Variants in SLC6A11 observed in about 807,000 individuals in gnomAD.
SLC6A11 encodes the protein solute carrier family 6 member 11.
In SLC6A11, 25 loss-of-function variants were observed where a neutral mutation model predicts 74.8. That is an observed-to-expected ratio of 0.33 (90% CI 0.24 to 0.47). The LOEUF is 0.47. Ranked by LOEUF, SLC6A11 falls within the 20% of genes least tolerant of loss-of-function variation. The pLI, the probability that SLC6A11 is intolerant of heterozygous loss-of-function variation, is 1.00. For missense variants in SLC6A11, 574 were observed against 837.0 expected (o/e 0.69, Z 3.88); for synonymous variants, 330 against 330.2 (o/e 1.00, Z 0.01).
intron 6 of SLC6A11, among the ~76,000 whole-genome samples, chr3:10,877,064 A>G (rs1694917453): frequency 6.6e-6 from 1 of 152,180 alleles, no homozygotes; most frequent in Non-Finnish European, 1.5e-5. Flanking sequence ...TTCCATGAGC[A>G]TAGGCTGGCA....
Position 10,863,767 on chromosome 3 carries a change from GT to G in SLC6A11, c.757-11191del, listed in dbSNP as rs1694731588. ...GGTGAAGGGTGACATGAAAGCAAAG[GT>G]TTGCAGGCAGGGAAGTGAAGGGTTT... On this transcript the variant is annotated intron_variant, in intron 5 of 13. Coordinates refer to ENST00000254488, the MANE Select transcript of SLC6A11 (RefSeq NM_014229.3). Among the ~76,000 whole-genome samples, 2 of 152,146 alleles carry G rather than the reference GT, an allele frequency of 1.3e-5. 1 individual carries two copies. The highest frequency in any genetic ancestry group is 2.9e-5 in the Non-Finnish European group (2 of 68,028).
At chr3:10,876,194 A>G (rs1167701307) in intron 6 of SLC6A11, among the ~76,000 whole-genome samples, 2 of 152,190 alleles carry the variant, frequency 1.3e-5, no homozygotes, top group Non-Finnish European at 2.9e-5. Context: ...CACGGTGGGC[A>G]GAGTGGGAAG....
At chr3:10,852,159 A>G (rs773996954) in intron 5 of SLC6A11, among the ~76,000 whole-genome samples, 1 of 152,256 alleles carries the variant, frequency 6.6e-6, no homozygotes, top group Non-Finnish European at 1.5e-5. Context: ...GTCTCAAGCA[A>G]GAGGAGAGCT....
intron 13 of SLC6A11, chr3:10,935,501 C>T (rs1695749011): frequency 3.1e-6 from 1 of 327,160 alleles, no homozygotes; most frequent in Non-Finnish European, 5.7e-6. Context: ...AGGAAAAGCC[C>T]TGGGACCCAG....
intron 6 of SLC6A11, among the ~76,000 whole-genome samples, chr3:10,879,921 GTACA>G (rs1694954278): frequency 1.3e-5 from 2 of 152,034 alleles, no homozygotes; most frequent in African/African-American, 4.8e-5. Context: ...TACTCAACCT[GTACA>G]TACATACATA....
chr3:10,860,517 A>G (rs1339427985), intron 5 of SLC6A11, among the ~76,000 whole-genome samples: 1 of 152,244 alleles, frequency 6.6e-6, no homozygotes, highest in Non-Finnish European at 1.5e-5. Context: ...GCTGAGAGGA[A>G]GAGGAAGCTG....
At chr3:10,916,537 G>A (rs751406855) in intron 7 of SLC6A11, among the ~76,000 whole-genome samples, 5 of 152,172 alleles carry the variant, frequency 3.3e-5, no homozygotes, top group Admixed American at 2.6e-4. Flanking sequence ...GGTCCAGGCC[G>A]AAGGGGTAGC....
intron 7 of SLC6A11, among the ~76,000 whole-genome samples, chr3:10,913,339 G>A (rs6442214): frequency 0.11 from 16,896 of 152,128 alleles, 1,429 homozygotes; most frequent in Admixed American, 0.29. Context: ...TAAATTTCTG[G>A]AAAGAAACAC....
intron 8 of SLC6A11, among the ~76,000 whole-genome samples, chr3:10,921,864 A>T (rs554414898): frequency 6.6e-6 from 1 of 152,216 alleles, no homozygotes; most frequent in Non-Finnish European, 1.5e-5. Context: ...AAGTCAAAAA[A>T]TATTAGCAGA....
At chr3:10,838,349 A>G (rs557954979) in intron 4 of SLC6A11, among the ~76,000 whole-genome samples, 1 of 152,318 alleles carries the variant, frequency 6.6e-6, no homozygotes, top group East Asian at 1.9e-4. Context: ...TCCTTCGACC[A>G]TCAGGCACAG....
intron 10 of SLC6A11, among the ~76,000 whole-genome samples, chr3:10,931,353 C>A (rs541015391): frequency 6.6e-6 from 1 of 152,092 alleles, no homozygotes; most frequent in African/African-American, 2.4e-5. Flanking sequence ...TTTCTTTGTT[C>A]CTTTGTAGAG....
intron 13 of SLC6A11, among the ~76,000 whole-genome samples, chr3:10,937,311 C>G (rs1034813943): frequency 2.0e-5 from 3 of 152,212 alleles, no homozygotes. Flanking sequence ...GGAACGCGTG[C>G]TCTAGCCCCA....
intron 6 of SLC6A11, among the ~76,000 whole-genome samples, chr3:10,892,917 C>T (rs1039921951): frequency 1.3e-5 from 2 of 152,138 alleles, no homozygotes; most frequent in Admixed American, 6.5e-5. Flanking sequence ...TCTAAGCAAG[C>T]GTATGATTAA....
intron 6 of SLC6A11, among the ~76,000 whole-genome samples, chr3:10,899,404 A>T (rs1008523053): frequency 2.0e-5 from 3 of 152,184 alleles, no homozygotes; most frequent in African/African-American, 7.2e-5. Context: ...TCTGTTTCAT[A>T]TGGAATTGAG....
At chr3:10,857,173 A>G (rs911986718) in intron 5 of SLC6A11, among the ~76,000 whole-genome samples, 5 of 152,160 alleles carry the variant, frequency 3.3e-5, no homozygotes, top group African/African-American at 1.2e-4. Flanking sequence ...TAAGGAGGTT[A>G]TAGTGGCCCG....
intron 9 of SLC6A11, among the ~76,000 whole-genome samples, chr3:10,927,217 G>T (rs748430084): frequency 6.6e-6 from 1 of 152,274 alleles, no homozygotes; most frequent in South Asian, 2.1e-4. Flanking sequence ...TGTTGCTGTT[G>T]CGGGCAGAGG....
intron 6 of SLC6A11, among the ~76,000 whole-genome samples, chr3:10,909,429 G>T (rs1346073961): frequency 6.6e-6 from 1 of 152,184 alleles, no homozygotes; most frequent in East Asian, 1.9e-4. Flanking sequence ...TCTGGGGCTT[G>T]TGGGTCGAAA....
At chr3:10,890,046 T>A (rs1695089988) in intron 6 of SLC6A11, among the ~76,000 whole-genome samples, 1 of 152,020 alleles carries the variant, frequency 6.6e-6, no homozygotes, top group Non-Finnish European at 1.5e-5. Flanking sequence ...AAATAAAATT[T>A]ACAACTCAGT....
intron 5 of SLC6A11, among the ~76,000 whole-genome samples, chr3:10,873,583 C>CCCTAT (rs1559566918): frequency 8.7e-6 from 1 of 114,938 alleles, no homozygotes; most frequent in East Asian, 3.5e-4. Flanking sequence ...CCCTACCCTA[C>CCCTAT]GCTATCCTAT....
Sources: gnomAD v4.1 joint callset for allele counts (sites outside exome capture counted in the v4.1 genomes callset) on GRCh38, gnomAD v4.1.1 for gene constraint, MANE v1.5 for transcripts, NCBI Gene and HGNC (gene_info 2026-07-23, HGNC 2026-07-21) for gene names.